The following SLC44A5 variants were observed in gnomAD, a reference collection of about 807,000 sequenced individuals.
SLC44A5 encodes the protein solute carrier family 44 member 5, also known as choline transporter-like protein 5.
A neutral mutation model predicts 101.8 loss-of-function variants in SLC44A5; 57 were observed. That is an observed-to-expected ratio of 0.56 (90% CI 0.45 to 0.70). The LOEUF (loss-of-function observed/expected upper bound fraction) is 0.70. Among genes scored for constraint, SLC44A5 ranks in the 30% least tolerant of loss-of-function variants. The pLI is 0.00. For missense variants in SLC44A5, 737 were observed against 853.1 expected (o/e 0.86, Z 1.70); for synonymous variants, 281 against 290.9 (o/e 0.97, Z 0.35).
intron 2 of SLC44A5, among the ~76,000 whole-genome samples, chr1:75,454,723 A>C (rs1453345384): frequency 1.3e-5 from 2 of 152,014 alleles, no homozygotes; most frequent in Non-Finnish European, 2.9e-5. Context: ...TACAAAAATC[A>C]GTACCATTTC....
At chr1:75,422,783 T>C (rs1664087241) in intron 2 of SLC44A5, among the ~76,000 whole-genome samples, 1 of 152,190 alleles carries the variant, frequency 6.6e-6, no homozygotes, top group South Asian at 2.1e-4. Flanking sequence ...TGTGAATCTT[T>C]CCAGGAGGAC....
intron 2 of SLC44A5, among the ~76,000 whole-genome samples, chr1:75,488,295 A>G (rs1668259663): frequency 6.6e-6 from 1 of 152,214 alleles, no homozygotes; most frequent in Non-Finnish European, 1.5e-5. Context: ...CCCTGGTACC[A>G]AAAAGGTTGG....
chr1:75,264,971 CAG>C (rs1176112463), intron 6 of SLC44A5, among the ~76,000 whole-genome samples: 1 of 152,064 alleles, frequency 6.6e-6, no homozygotes, highest in African/African-American at 2.4e-5. Flanking sequence ...AAAACGCTAT[CAG>C]AGACTGTTAT....
the SLC44A5 span, among the ~76,000 whole-genome samples, chr1:75,618,376 ATT>A: frequency 6.6e-6 from 1 of 152,360 alleles, no homozygotes; most frequent in South Asian, 2.1e-4. Flanking sequence ...ACCAAAAGAC[ATT>A]AAGGCCACAA....
intron 4 of SLC44A5, among the ~76,000 whole-genome samples, chr1:75,306,091 A>G (rs998692376): frequency 1.3e-5 from 2 of 152,226 alleles, no homozygotes; most frequent in African/African-American, 4.8e-5. Context: ...GTTATGTAAA[A>G]TTCAAACTTG....
chr1:75,637,971 C>T, the SLC44A5 span, among the ~76,000 whole-genome samples: 1 of 152,082 alleles, frequency 6.6e-6, no homozygotes, highest in Non-Finnish European at 1.5e-5. Context: ...CCTAGTACCT[C>T]ACTGATATAA....
the SLC44A5 span, among the ~76,000 whole-genome samples, chr1:75,636,560 G>T: frequency 4.6e-5 from 7 of 152,074 alleles, no homozygotes; most frequent in South Asian, 2.1e-4. Context: ...GAAATGGAGT[G>T]TATAAAACAA....
chr1:75,484,100 C>T (rs940749919), intron 2 of SLC44A5, among the ~76,000 whole-genome samples: 5 of 152,138 alleles, frequency 3.3e-5, no homozygotes, highest in Non-Finnish European at 7.4e-5. Flanking sequence ...ATCATTCTGT[C>T]CCTGGCCCCT....
intron 2 of SLC44A5, among the ~76,000 whole-genome samples, chr1:75,417,044 G>C (rs1663695926): frequency 6.6e-6 from 1 of 152,142 alleles, no homozygotes; most frequent in Non-Finnish European, 1.5e-5. Context: ...GGGCATGATT[G>C]GTTTTGAAAT....
At chr1:75,579,976 G>A (rs1333557779) in intron 1 of SLC44A5, among the ~76,000 whole-genome samples, 1 of 152,024 alleles carries the variant, frequency 6.6e-6, no homozygotes, top group Non-Finnish European at 1.5e-5. Context: ...AGCATGTAAG[G>A]AGCAAGCATA....
intron 2 of SLC44A5, among the ~76,000 whole-genome samples, chr1:75,404,867 G>T (rs2101464671): frequency 6.6e-6 from 1 of 152,298 alleles, no homozygotes; most frequent in Admixed American, 6.5e-5. Context: ...CAATGTAAAT[G>T]AGTTAAATGC....
intron 2 of SLC44A5, among the ~76,000 whole-genome samples, chr1:75,456,204 G>T (rs1666180034): frequency 6.6e-6 from 1 of 152,100 alleles, no homozygotes; most frequent in African/African-American, 2.4e-5. Flanking sequence ...GTCCTTTGCA[G>T]CAACATGGAA....
chr1:75,264,859 A>G (rs1012878942), intron 6 of SLC44A5, among the ~76,000 whole-genome samples: 2 of 152,098 alleles, frequency 1.3e-5, no homozygotes, highest in Non-Finnish European at 2.9e-5. Context: ...AATAAAACTG[A>G]TAAACTGCTA....
the SLC44A5 span, among the ~76,000 whole-genome samples, chr1:75,676,176 T>A: frequency 6.6e-6 from 1 of 152,196 alleles, no homozygotes; most frequent in Non-Finnish European, 1.5e-5. Context: ...TACCGTTTGA[T>A]GCAGCAATCC....
chr1:75,551,898 C>T (rs1570594670), intron 1 of SLC44A5, among the ~76,000 whole-genome samples: 1 of 152,184 alleles, frequency 6.6e-6, no homozygotes, highest in Middle Eastern at 3.4e-3. Flanking sequence ...GAATCCAAGT[C>T]TGAAAAATTT....
At chr1:75,506,907 CTTTTTT>C (rs61554987) in intron 2 of SLC44A5, among the ~76,000 whole-genome samples, 7 of 68,748 alleles carry the variant, frequency 1.0e-4, no homozygotes, top group Non-Finnish European at 1.8e-4. Context: ...TATTCCTATT[CTTTTTT>C]TTTTTTTTTT....
chr1:75,511,674 T>C (rs758636897), intron 2 of SLC44A5, among the ~76,000 whole-genome samples: 1 of 152,200 alleles, frequency 6.6e-6, no homozygotes, highest in Non-Finnish European at 1.5e-5. Context: ...GGGATGCCTG[T>C]TTTTGCCAGT....
intron 2 of SLC44A5, among the ~76,000 whole-genome samples, chr1:75,523,471 C>A (rs1204417610): frequency 1.3e-5 from 2 of 150,600 alleles, no homozygotes; most frequent in Non-Finnish European, 3.0e-5. Flanking sequence ...TAACACCACG[C>A]CCAGCTAATT....
intron 2 of SLC44A5, among the ~76,000 whole-genome samples, chr1:75,465,206 A>G (rs945035850): frequency 6.6e-5 from 10 of 152,176 alleles, no homozygotes; most frequent in African/African-American, 2.4e-4. Flanking sequence ...ACACAATGGA[A>G]TAAAACTAGA....
Sources: gnomAD v4.1 joint callset for allele counts (sites outside exome capture counted in the v4.1 genomes callset) on GRCh38, gnomAD v4.1.1 for gene constraint, MANE v1.5 for transcripts, NCBI Gene and HGNC (gene_info 2026-07-23, HGNC 2026-07-21) for gene names.